The following ATP8A2 variants were observed in gnomAD, a reference collection of about 807,000 sequenced individuals.
ATP8A2 encodes the protein phospholipid-transporting ATPase IB.
Under a neutral mutation model 165.6 loss-of-function variants are expected in ATP8A2, and 100 were observed. The observed-to-expected ratio is 0.60, with a 90% CI of 0.51 to 0.71. The LOEUF is 0.71. Ranked by LOEUF, ATP8A2 falls within the 30% of genes least tolerant of loss-of-function variation. The probability of loss-of-function intolerance (pLI) is 0.00; values close to 1 mark genes in which losing one functional copy is unlikely to be tolerated. For missense variants in ATP8A2, 1,227 were observed against 1,479.5 expected, an observed-to-expected ratio of 0.83 and a Z score of 2.80; for synonymous variants, 543 against 548.8, an observed-to-expected ratio of 0.99 and a Z score of 0.15.
chr13:25,525,052 A>G (rs1222128679), intron 2 of ATP8A2, among the ~76,000 whole-genome samples: 1 of 151,470 alleles, frequency 6.6e-6, no homozygotes, highest in Non-Finnish European at 1.5e-5. Flanking sequence ...TGTATCTATT[A>G]TAGGTTTTTG....
At chr13:25,961,519 T>G in intron 33 of ATP8A2, 56 bp from the exon 34 acceptor site, 1 of 1,321,102 alleles carries the variant, frequency 7.6e-7, no homozygotes, top group Admixed American at 1.7e-5. Context: ...TACATTATGT[T>G]GCTCTGTTTT....
At chr13:25,975,639 T>C (rs1593656182) in intron 35 of ATP8A2, among the ~76,000 whole-genome samples, 1 of 152,290 alleles carries the variant, frequency 6.6e-6, no homozygotes, top group South Asian at 2.1e-4. Flanking sequence ...TACATAGTAG[T>C]AGGGAGATGA....
intron 1 of ATP8A2, among the ~76,000 whole-genome samples, chr13:25,378,793 T>C (rs1393503031): frequency 6.6e-6 from 1 of 152,234 alleles, no homozygotes; most frequent in Non-Finnish European, 1.5e-5. Flanking sequence ...GCCCACCTGA[T>C]ACTGCGCCAC....
At chr13:25,419,237 C>A (rs973163469) in intron 1 of ATP8A2, among the ~76,000 whole-genome samples, 1 of 152,202 alleles carries the variant, frequency 6.6e-6, no homozygotes, top group Non-Finnish European at 1.5e-5. Context: ...CAGTGACTTG[C>A]ACCCTTGGGG....
chr13:25,588,429 C>T (rs887453069), intron 23 of ATP8A2, among the ~76,000 whole-genome samples: 1 of 152,156 alleles, frequency 6.6e-6, no homozygotes, highest in Non-Finnish European at 1.5e-5. Context: ...CACATAAATG[C>T]AGCAGTTCTG....
chr13:25,619,071 A>G (rs2040902026), intron 24 of ATP8A2, among the ~76,000 whole-genome samples: 1 of 152,182 alleles, frequency 6.6e-6, no homozygotes, highest in Admixed American at 6.5e-5. Context: ...AAGAAAGGAG[A>G]GTAAGGGATT....
At chr13:25,698,703 G>A (rs756221628) in intron 24 of ATP8A2, among the ~76,000 whole-genome samples, 3 of 152,046 alleles carry the variant, frequency 2.0e-5, no homozygotes, top group Admixed American at 6.6e-5. Context: ...TATTTCTTAC[G>A]CTGGCAATGC....
At chr13:26,017,670 T>C (rs1957009322) in intron 36 of ATP8A2, among the ~76,000 whole-genome samples, 1 of 152,216 alleles carries the variant, frequency 6.6e-6, no homozygotes, top group Non-Finnish European at 1.5e-5. Context: ...CTTCGGTGCT[T>C]GAAAGCAGAT....
At chr13:25,472,071 T>A (rs1409056148) in intron 2 of ATP8A2, among the ~76,000 whole-genome samples, 2 of 152,076 alleles carry the variant, frequency 1.3e-5, no homozygotes, top group East Asian at 3.8e-4. Flanking sequence ...GAATTACTAA[T>A]GGTTATCAGT....
At chr13:25,559,615 A>G in intron 14 of ATP8A2, 106 bp from the exon 15 acceptor site, 4 of 839,714 alleles carry the variant, frequency 4.8e-6, no homozygotes, top group East Asian at 2.5e-5. Context: ...GTCCCTGAGA[A>G]TCTGTAAGTT....
chr13:25,999,084 TAAG>T (rs1392050022), intron 35 of ATP8A2, among the ~76,000 whole-genome samples: 1 of 152,184 alleles, frequency 6.6e-6, no homozygotes, highest in Non-Finnish European at 1.5e-5. Context: ...AGACACAACA[TAAG>T]AAGAGAGTCG....
chr13:25,482,655 C>T (rs2036239812), intron 2 of ATP8A2, among the ~76,000 whole-genome samples: 1 of 152,146 alleles, frequency 6.6e-6, no homozygotes, highest in Non-Finnish European at 1.5e-5. Context: ...CCATAATTCC[C>T]ATATGTTGTG....
chr13:25,601,526 G>A (rs112234038), intron 24 of ATP8A2, among the ~76,000 whole-genome samples: 6 of 152,136 alleles, frequency 3.9e-5, no homozygotes, highest in Admixed American at 6.5e-5. Context: ...CCATGCTGGC[G>A]CCATCTCAGC....
intron 24 of ATP8A2, among the ~76,000 whole-genome samples, chr13:25,695,430 A>G (rs1376456526): frequency 2.0e-5 from 3 of 152,148 alleles, no homozygotes; most frequent in Non-Finnish European, 4.4e-5. Flanking sequence ...AGTTTGCTGC[A>G]TCTGTTGACT....
chr13:25,791,504 C>A (rs957780566), intron 27 of ATP8A2, among the ~76,000 whole-genome samples: 2 of 150,062 alleles, frequency 1.3e-5, no homozygotes, highest in South Asian at 4.3e-4. Context: ...ATGTAACAAA[C>A]CTGCACATGT....
chr13:25,769,645 A>ATG (rs2044575315), intron 26 of ATP8A2, among the ~76,000 whole-genome samples: 2 of 151,838 alleles, frequency 1.3e-5, no homozygotes, highest in Non-Finnish European at 2.9e-5. Context: ...CTCCTCCCAA[A>ATG]GGTGTTGGGA....
Position 25,860,230 on chromosome 13 carries a change from T to G in ATP8A2, c.2992T>G (p.Leu998Val), listed in dbSNP as rs780493394. ...VLTSGHATDYLFVGNIVYTYV... is the reference protein window; with the variant it reads ...VLTSGHATDYVFVGNIVYTYV... ...GACAAGTGGTCATGCTACCGACTAT[T>G]TATTTGTTGGAAATATTGTTTACAC... The change falls in exon 31 of 37, where the codon TTA (leucine) becomes GTA (valine). Residue 998 changes from leucine (L) to valine (V), a missense_variant. Leu to Val is a conservative substitution (Grantham distance 32). Coordinates refer to ENST00000381655, the MANE Select transcript of ATP8A2 (RefSeq NM_016529.6). 1.2e-6 allele frequency: 2 copies of G among 1,612,268 alleles called. No homozygotes were observed. The highest frequency in any genetic ancestry group is 1.7e-6 in the Non-Finnish European group (2 of 1,178,546).
At chr13:25,887,278 A>G (rs1191220073) in intron 33 of ATP8A2, among the ~76,000 whole-genome samples, 2 of 152,192 alleles carry the variant, frequency 1.3e-5, no homozygotes, top group Admixed American at 6.5e-5. Context: ...TTCTACTTCT[A>G]TAAAAAGTTT....
At chr13:25,928,096 C>G (rs541853616) in intron 33 of ATP8A2, among the ~76,000 whole-genome samples, 6 of 152,168 alleles carry the variant, frequency 3.9e-5, no homozygotes, top group Non-Finnish European at 7.3e-5. Context: ...CTGGTAAGTT[C>G]TACAAACCCA....
Sources: gnomAD v4.1 joint callset for allele counts (sites outside exome capture counted in the v4.1 genomes callset) on GRCh38, gnomAD v4.1.1 for gene constraint, MANE v1.5 for transcripts, NCBI Gene and HGNC (gene_info 2026-07-23, HGNC 2026-07-21) for gene names.